The following TRPM8 variants were observed in gnomAD, a reference collection of about 807,000 sequenced individuals.
The protein encoded by TRPM8 is transient receptor potential cation channel subfamily M member 8.
A neutral mutation model predicts 133.7 loss-of-function variants in TRPM8; 110 were observed. That is an observed-to-expected ratio of 0.82 (90% confidence interval 0.70 to 0.96). The LOEUF (loss-of-function observed/expected upper bound fraction) is 0.96, where lower values mean the gene tolerates loss of function less well. TRPM8 is among the 40% of genes least tolerant of loss of function. TRPM8 has a pLI of 0.00. For missense variants in TRPM8, 1,291 were observed against 1,379.5 expected, an observed-to-expected ratio of 0.94 and a Z score of 1.02; for synonymous variants, 535 against 532.3, an observed-to-expected ratio of 1.01 and a Z score of -0.07.
In TRPM8 at chr2:234,018,703, G is replaced by A. The variant is rs149769449; in HGVS notation, c.*1447G>A. 1.3e-5 allele frequency: 2 copies of A among 151,772 alleles called. No individual in the cohort carries two copies. The highest frequency in any genetic ancestry group is 6.6e-5 in the Admixed American group (1 of 15,244). The allele number at this position is 151,772 out of a possible 1,614,324, so 9.4% of individuals were successfully genotyped here. On this transcript the variant is annotated 3_prime_UTR_variant, in exon 26 of 26. Transcript: ENST00000324695. ...CTACTAAAAATAAAAAAATTAGCTG[G>A]GTGTGGTGGTGCACTCCTGTAATCC...
chr2:233,941,059 C>T lies in TRPM8; in HGVS notation c.527-1517C>T, dbSNP rs148498594. ...GTCATCTCTTGGGCATTTGTGCACG[C>T]CCTGTTGAAGAGTCAATGGTCTCAG... On this transcript the variant is annotated intron_variant, in intron 5 of 25. Coordinates refer to ENST00000324695, the MANE Select transcript of TRPM8 (RefSeq NM_024080.5). Among the ~76,000 whole-genome samples, 411 of 152,280 alleles carry T rather than the reference C, an allele frequency of 2.7e-3. 1 individual carries two copies. The highest frequency in any genetic ancestry group is 3.9e-3 in the Non-Finnish European group (265 of 68,024).
chr2:233,973,756 C>A (rs998113598), intron 17 of TRPM8, among the ~76,000 whole-genome samples: 3 of 152,198 alleles, frequency 2.0e-5, no homozygotes, highest in African/African-American at 7.2e-5. Flanking sequence ...GTGTCAGCAG[C>A]AGCGAGGGAA....
At chr2:233,994,581 T>A (rs1420623981) in intron 21 of TRPM8, among the ~76,000 whole-genome samples, 3 of 146,468 alleles carry the variant, frequency 2.0e-5, no homozygotes, top group African/African-American at 7.6e-5. Context: ...TAGTGTAGAT[T>A]GCAGAGGTGT....
At chr2:233,937,212 T>C in intron 3 of TRPM8, 141 bp from the exon 4 acceptor site, 1 of 1,104,322 alleles carries the variant, frequency 9.1e-7, no homozygotes, top group South Asian at 1.6e-5. Context: ...AACTAGTTTC[T>C]ACACAACCAA....
chr2:233,925,011 T>A (rs1691485261), intron 1 of TRPM8, among the ~76,000 whole-genome samples: 1 of 152,148 alleles, frequency 6.6e-6, no homozygotes, highest in African/African-American at 2.4e-5. Context: ...CTCTGAGGTG[T>A]GGGAGGCCTG....
At chr2:233,933,382 C>T (rs1237910315) in intron 3 of TRPM8, among the ~76,000 whole-genome samples, 2 of 152,144 alleles carry the variant, frequency 1.3e-5, no homozygotes, top group African/African-American at 4.8e-5. Flanking sequence ...AATTAAATAA[C>T]CACGTGAGGT....
chr2:233,928,648 A>G (rs1315347086), intron 2 of TRPM8, among the ~76,000 whole-genome samples: 1 of 152,222 alleles, frequency 6.6e-6, no homozygotes, highest in Non-Finnish European at 1.5e-5. Flanking sequence ...TGTACAGGTG[A>G]GCACTGAAGC....
chr2:233,977,338 A>G (rs1237244695), intron 17 of TRPM8, among the ~76,000 whole-genome samples: 1 of 152,222 alleles, frequency 6.6e-6, no homozygotes, highest in East Asian at 1.9e-4. Context: ...AATACAGCTT[A>G]TCCCAGGCAT....
chr2:233,934,382 T>C (rs1691746087), intron 3 of TRPM8, among the ~76,000 whole-genome samples: 1 of 152,226 alleles, frequency 6.6e-6, no homozygotes, highest in African/African-American at 2.4e-5. Context: ...TTTCAAATTC[T>C]TAAGAAAGGG....
intron 22 of TRPM8, 74 bp from the exon 23 acceptor site, chr2:234,006,779 C>G: frequency 8.8e-7 from 1 of 1,135,388 alleles, no homozygotes; most frequent in South Asian, 1.3e-5. Flanking sequence ...CACAAAATGC[C>G]TTAGAAGATC....
chr2:233,941,226 CTT>C (rs940138648), intron 5 of TRPM8, among the ~76,000 whole-genome samples: 49 of 152,264 alleles, frequency 3.2e-4, no homozygotes, highest in African/African-American at 1.2e-3. Flanking sequence ...GGCTACATGA[CTT>C]TTAGCTATAC....
intron 6 of TRPM8, 147 bp from the exon 7 acceptor site, chr2:233,945,709 C>T: frequency 3.1e-6 from 2 of 635,748 alleles, no homozygotes; most frequent in Non-Finnish European, 5.3e-6. Flanking sequence ...TATAAGATCG[C>T]TAAGACCCCT....
At chr2:233,939,258 A>C (rs1690844053) in intron 5 of TRPM8, 83 bp downstream of exon 5, 6 of 1,453,270 alleles carry the variant, frequency 4.1e-6, no homozygotes, top group Non-Finnish European at 5.6e-6. Flanking sequence ...TCCCGTGTGC[A>C]ATTCCGGAGA....
chr2:233,923,488 G>A (rs1236046340), intron 1 of TRPM8, among the ~76,000 whole-genome samples: 5 of 152,176 alleles, frequency 3.3e-5, no homozygotes, highest in Admixed American at 1.3e-4. Flanking sequence ...GAGGGACACA[G>A]CCCCATGTCC....
intron 6 of TRPM8, chr2:233,943,049 C>A: frequency 1.1e-4 from 40 of 355,430 alleles, no homozygotes; most frequent in Non-Finnish European, 1.5e-4. Context: ...CAGGCGGGCT[C>A]AAAGCCAACT....
intron 2 of TRPM8, among the ~76,000 whole-genome samples, chr2:233,930,452 A>G (rs894061730): frequency 6.6e-6 from 1 of 152,238 alleles, no homozygotes; most frequent in Admixed American, 6.5e-5. Context: ...AATCACTTCT[A>G]GAAAAATTTT....
chr2:233,950,146 G>C lies in TRPM8; in HGVS notation c.1140G>C (p.Trp380Cys). The C allele has an allele frequency of 6.2e-7, 1 of 1,611,874 alleles. No individual in the cohort carries two copies. The highest frequency in any genetic ancestry group is 8.5e-7 in the Non-Finnish European group (1 of 1,179,676). Residue 380 changes from tryptophan (W) to cysteine (C), a missense_variant and splice_region_variant, in exon 9 of 26, where the codon TGG becomes TGC. Physicochemically the swap from Trp to Cys is radical, Grantham distance 215. Coordinates refer to ENST00000324695, the MANE Select transcript of TRPM8 (RefSeq NM_024080.5). ...PEEETESWIK[W>C]LKEILECSHL... ...AGGAGACTGAGAGTTGGATCAAATG[G>C]GTAAGTTGTCGGGACCATGTCTGAG...
chr2:233,937,331 T>C (rs1280574032), intron 3 of TRPM8, 22 bp from the exon 4 acceptor site: 1 of 1,613,254 alleles, frequency 6.2e-7, no homozygotes, highest in Non-Finnish European at 8.5e-7. Context: ...TTCCTTCCTG[T>C]CCACACCATC....
At chr2:233,984,167 G>T (rs1692083970) in intron 20 of TRPM8, among the ~76,000 whole-genome samples, 1 of 152,202 alleles carries the variant, frequency 6.6e-6, no homozygotes, top group African/African-American at 2.4e-5. Flanking sequence ...CATGTGCTGT[G>T]TGCCCCCGGG....
Sources: allele counts gnomAD v4.1 joint callset (sites outside exome capture counted in the v4.1 genomes callset), GRCh38; gene constraint gnomAD v4.1.1; transcripts MANE v1.5; gene names NCBI Gene and HGNC (gene_info 2026-07-23, HGNC 2026-07-21).